Variants in MARCHF1 observed in about 807,000 individuals in gnomAD.
The protein encoded by MARCHF1 is membrane associated ring-CH-type finger 1, also known as E3 ubiquitin-protein ligase MARCHF1.
MARCHF1 carries 40 observed loss-of-function variants against 54.2 expected under a neutral mutation model. That is an observed-to-expected ratio of 0.74 (90% CI 0.57 to 0.96). MARCHF1 has a LOEUF of 0.96. Among genes scored for constraint, MARCHF1 ranks in the 40% least tolerant of loss-of-function variants. The pLI is 0.00. For missense variants in MARCHF1, 586 were observed against 656.5 expected, an observed-to-expected ratio of 0.89 and a Z score of 1.17; for synonymous variants, 236 against 236.3, an observed-to-expected ratio of 1.00 and a Z score of 0.01.
intron 5 of MARCHF1, among the ~76,000 whole-genome samples, chr4:163,657,828 T>C (rs1461390360): frequency 6.6e-6 from 1 of 152,066 alleles, no homozygotes; most frequent in African/African-American, 2.4e-5. Context: ...CCCTATTTAA[T>C]AAATGGTGCT....
chr4:163,692,410 A>G (rs775516148), intron 5 of MARCHF1, among the ~76,000 whole-genome samples: 1 of 152,200 alleles, frequency 6.6e-6, no homozygotes, highest in Non-Finnish European at 1.5e-5. Context: ...AAGGAAACCA[A>G]TCTTAGTGCT....
At chr4:164,182,704 AAAG>A (rs1406375067) in intron 1 of MARCHF1, among the ~76,000 whole-genome samples, 43 of 152,128 alleles carry the variant, frequency 2.8e-4, no homozygotes, top group African/African-American at 6.5e-4. Flanking sequence ...TAAATTAAAA[AAAG>A]AAGAAGCTTC....
chr4:163,663,840 T>C (rs1561005788), intron 5 of MARCHF1, among the ~76,000 whole-genome samples: 1 of 152,066 alleles, frequency 6.6e-6, no homozygotes, highest in Non-Finnish European at 1.5e-5. Context: ...TAAAAATCTT[T>C]AGGCTTTAAT....
At chr4:163,917,548 A>G (rs574167782) in intron 3 of MARCHF1, among the ~76,000 whole-genome samples, 4 of 152,218 alleles carry the variant, frequency 2.6e-5, no homozygotes, top group Non-Finnish European at 5.9e-5. Flanking sequence ...TTTATTTGCC[A>G]TCTTCTTTGG....
intron 1 of MARCHF1, among the ~76,000 whole-genome samples, chr4:164,238,211 C>T (rs1732623669): frequency 6.6e-6 from 1 of 151,990 alleles, no homozygotes; most frequent in Non-Finnish European, 1.5e-5. Flanking sequence ...GCATAACTGT[C>T]GGTTTAGTTC....
At chr4:164,201,693 A>T (rs1017224832) in intron 1 of MARCHF1, among the ~76,000 whole-genome samples, 6 of 152,184 alleles carry the variant, frequency 3.9e-5, no homozygotes, top group Admixed American at 2.0e-4. Flanking sequence ...TAAGAATAAC[A>T]TACGGGTACT....
intron 1 of MARCHF1, among the ~76,000 whole-genome samples, chr4:164,249,322 A>G (rs533518471): frequency 4.5e-4 from 68 of 152,256 alleles, no homozygotes; most frequent in African/African-American, 1.5e-3. Flanking sequence ...CTGTACCTTC[A>G]AAATATAGGT....
At chr4:164,156,671 C>A (rs1467561919) in intron 1 of MARCHF1, among the ~76,000 whole-genome samples, 2 of 152,192 alleles carry the variant, frequency 1.3e-5, no homozygotes, top group African/African-American at 4.8e-5. Context: ...ATCCACTCAC[C>A]TTGGATTACA....
rs1301889636 is a variant in MARCHF1, at chr4:164,236,279, T to C, written c.-322-124617A>G. Among the ~76,000 whole-genome samples, 4 of 152,094 alleles carry C rather than the reference T, an allele frequency of 2.6e-5. No homozygotes were observed. The East Asian group carries it at 7.7e-4, about 29-fold the overall frequency. On this transcript the variant is annotated intron_variant, in intron 1 of 9. Transcript: ENST00000514618. ...TGGTTGAAACATTTCCATTAATAAATCAATATATAACCTTGTTTTATTCAT... is the reference window on the plus strand; with the variant it reads ...TGGTTGAAACATTTCCATTAATAAACCAATATATAACCTTGTTTTATTCAT...
intron 3 of MARCHF1, among the ~76,000 whole-genome samples, chr4:163,876,442 C>T (rs1277957052): frequency 2.0e-5 from 3 of 152,154 alleles, no homozygotes; most frequent in Admixed American, 2.0e-4. Flanking sequence ...TGTTTCTTCC[C>T]TCCAACTACT....
chr4:164,034,926 C>T lies in MARCHF1; in HGVS notation c.-247-46217G>A, dbSNP rs1314256827. ...TGATAGACAATAAAGCTGGGATTCC[C>T]CTACAGGTCTCTTGCTCTCAAATCC... is the stretch of plus-strand genomic sequence containing the variant. On this transcript the variant is annotated intron_variant, in intron 2 of 9. Coordinates refer to ENST00000514618, the MANE Select transcript of MARCHF1 (RefSeq NM_001394959.1). 3.9e-5 allele frequency among the ~76,000 whole-genome samples: 6 copies of T among 152,176 alleles called. No individual in the cohort carries two copies. In the East Asian group the frequency reaches 1.2e-3, roughly 29 times the overall value.
intron 4 of MARCHF1, among the ~76,000 whole-genome samples, chr4:163,725,718 T>C (rs976630416): frequency 6.6e-6 from 1 of 152,166 alleles, no homozygotes; most frequent in African/African-American, 2.4e-5. Flanking sequence ...CTAGCTCTAG[T>C]GTTGGATCTA....
intron 1 of MARCHF1, among the ~76,000 whole-genome samples, chr4:164,326,354 T>A (rs1348332148): frequency 6.6e-6 from 1 of 152,210 alleles, no homozygotes; most frequent in Non-Finnish European, 1.5e-5. Context: ...CTACATCATA[T>A]TCAAAAGGAA....
At chr4:163,745,288 T>C (rs970099715) in intron 4 of MARCHF1, among the ~76,000 whole-genome samples, 4 of 151,986 alleles carry the variant, frequency 2.6e-5, no homozygotes, top group Non-Finnish European at 5.9e-5. Flanking sequence ...TTTTTTTTTG[T>C]ATTTTTAGTA....
intron 2 of MARCHF1, among the ~76,000 whole-genome samples, chr4:164,098,160 A>G (rs1755456258): frequency 6.6e-6 from 1 of 152,196 alleles, no homozygotes; most frequent in African/African-American, 2.4e-5. Flanking sequence ...CTTCACACCC[A>G]TCTAAAACAA....
At chr4:163,932,285 A>G (rs1277333229) in intron 3 of MARCHF1, among the ~76,000 whole-genome samples, 2 of 152,122 alleles carry the variant, frequency 1.3e-5, no homozygotes, top group African/African-American at 4.8e-5. Context: ...GATTTGCCAC[A>G]TTGACTGACT....
intron 3 of MARCHF1, among the ~76,000 whole-genome samples, chr4:163,902,657 G>A (rs1237753202): frequency 6.6e-6 from 1 of 152,154 alleles, no homozygotes; most frequent in Non-Finnish European, 1.5e-5. Context: ...CAGATTCCCT[G>A]ACAGGCAGAA....
chr4:163,612,304 T>A lies in MARCHF1; in HGVS notation c.977A>T (p.Tyr326Phe). The change falls in exon 7 of 10, where the codon TAT (tyrosine) becomes TTT (phenylalanine). Residue 326 changes from tyrosine (Y) to phenylalanine (F), a missense_variant. Tyr to Phe is a conservative substitution (Grantham distance 22, BLOSUM62 3). Transcript: ENST00000514618. ...TTCTAAATTATCAGACCCATCGTCA[T>A]AGGTGGCAGGAGGCTTCTGAACAGG... Reference protein sequence around the residue: ...NNPVQKPPATYDDGSDNLEVC... With the variant: ...NNPVQKPPATFDDGSDNLEVC... 1 of 1,521,368 alleles carries A rather than the reference T, an allele frequency of 6.6e-7. No homozygotes were observed. Among genetic ancestry groups the A allele is most frequent in the Non-Finnish European group, 8.8e-7 (1 of 1,142,280 alleles). 94.2% of individuals were successfully genotyped at this position (1,521,368 alleles called of 1,614,324 possible). A position where few individuals can be genotyped will look rare whatever the true frequency, so the allele number is the denominator to read the frequency against.
intron 1 of MARCHF1, among the ~76,000 whole-genome samples, chr4:164,152,957 A>G (rs187134273): frequency 1.3e-4 from 19 of 151,668 alleles, no homozygotes; most frequent in African/African-American, 4.1e-4. Flanking sequence ...TATTTTATTG[A>G]TGTCTCTTGC....
Sources: allele counts gnomAD v4.1 joint callset (sites outside exome capture counted in the v4.1 genomes callset), GRCh38; gene constraint gnomAD v4.1.1; transcripts MANE v1.5; gene names NCBI Gene and HGNC (gene_info 2026-07-23, HGNC 2026-07-21).